The following NR3C2 variants were observed in gnomAD, a reference collection of about 807,000 sequenced individuals.
NR3C2 encodes mineralocorticoid receptor.
In NR3C2, 15 loss-of-function variants were observed where a neutral mutation model predicts 86.4. That is an observed-to-expected ratio of 0.17 (90% CI 0.12 to 0.27). The LOEUF (loss-of-function observed/expected upper bound fraction) is 0.27, where lower values mean the gene tolerates loss of function less well. NR3C2 is among the 10% of genes least tolerant of loss of function. The pLI is 1.00. For missense variants in NR3C2, 960 were observed against 1,195.6 expected, an observed-to-expected ratio of 0.80 and a Z score of 2.91; for synonymous variants, 458 against 450.5, an observed-to-expected ratio of 1.02 and a Z score of -0.21.
intron 3 of NR3C2, among the ~76,000 whole-genome samples, chr4:148,246,211 G>A (rs752097369): frequency 2.0e-5 from 3 of 152,146 alleles, no homozygotes; most frequent in Non-Finnish European, 2.9e-5. Context: ...TGCATTTCAG[G>A]TACACACCTT....
At chr4:148,098,524 G>A (rs1039898038) in intron 8 of NR3C2, among the ~76,000 whole-genome samples, 1 of 152,154 alleles carries the variant, frequency 6.6e-6, no homozygotes, top group Admixed American at 6.5e-5. Context: ...AGTATTTACG[G>A]CATTAGAGCT....
chr4:148,171,259 C>T (rs1735110710), intron 4 of NR3C2, among the ~76,000 whole-genome samples: 1 of 152,198 alleles, frequency 6.6e-6, no homozygotes, highest in African/African-American at 2.4e-5. Flanking sequence ...CACCTCTTTC[C>T]CTATTCCATG....
intron 2 of NR3C2, among the ~76,000 whole-genome samples, chr4:148,267,595 C>T (rs1740462916): frequency 1.3e-5 from 2 of 152,020 alleles, no homozygotes; most frequent in African/African-American, 2.4e-5. Context: ...TTACTGTATA[C>T]AGTAAACAGA....
At chr4:148,104,170 CT>C (rs373515975) in intron 8 of NR3C2, among the ~76,000 whole-genome samples, 1 of 152,098 alleles carries the variant, frequency 6.6e-6, no homozygotes, top group Non-Finnish European at 1.5e-5. Flanking sequence ...ACTGTAAGCC[CT>C]TAGTAATCAT....
At chr4:148,141,125 C>G (rs998190548) in intron 6 of NR3C2, among the ~76,000 whole-genome samples, 4 of 152,074 alleles carry the variant, frequency 2.6e-5, no homozygotes, top group African/African-American at 9.7e-5. Context: ...AAACAGTTAC[C>G]GAGCGCCAGT....
At position 148,154,609 on chromosome 4, in the gene NR3C2, G is replaced by T. The variant is rs770153717; in HGVS notation, c.2307C>A (p.Leu769=). 19 of 1,614,090 alleles carry T rather than the reference G, an allele frequency of 1.2e-5. No homozygotes were observed. The South Asian group carries it at 2.1e-4, about 18-fold the overall frequency. The change falls in exon 5 of 9, where the codon CTC becomes CTA. Residue 769 remains leucine (L), a synonymous_variant. Transcript: ENST00000358102. The part of the protein sequence containing the change: ...PDTAENLLST[L]NRLAGKQMIQ... ...TCATCTGTTTGCCTGCTAAGCGGTT[G>T]AGCGTGGAGAGCAGATTTTCGGCTG...
chr4:148,439,007 G>T (rs1296966586), intron 1 of NR3C2, among the ~76,000 whole-genome samples: 1 of 152,026 alleles, frequency 6.6e-6, no homozygotes, highest in South Asian at 2.1e-4. Flanking sequence ...CAAAACAGTA[G>T]AAAATAAATA....
intron 2 of NR3C2, among the ~76,000 whole-genome samples, chr4:148,278,996 T>G (rs1741102547): frequency 6.6e-6 from 1 of 151,938 alleles, no homozygotes; most frequent in South Asian, 2.1e-4. Context: ...ACCCCGTCCC[T>G]ACTAAAAATG....
intron 4 of NR3C2, among the ~76,000 whole-genome samples, chr4:148,164,791 G>A (rs943093520): frequency 6.6e-6 from 1 of 152,182 alleles, no homozygotes; most frequent in African/African-American, 2.4e-5. Flanking sequence ...AGGTCACAGG[G>A]GTGAATAAGT....
At chr4:148,285,422 C>T (rs1741468380) in intron 2 of NR3C2, among the ~76,000 whole-genome samples, 1 of 152,096 alleles carries the variant, frequency 6.6e-6, no homozygotes. Context: ...TAAAAACTTC[C>T]TCCAGGCCGG....
At chr4:148,366,481 C>CTTAAAAAAGAATACTTTTTAAAA (rs1561066895) in intron 2 of NR3C2, among the ~76,000 whole-genome samples, 2 of 14,878 alleles carry the variant, frequency 1.3e-4, no homozygotes, top group African/African-American at 5.2e-4. Context: ...AAAAAGTACT[C>CTTAAAAAAGAATACTTTTTAAAA]AGCACTTTTA....
At chr4:148,131,515 T>C (rs1317586014) in intron 6 of NR3C2, among the ~76,000 whole-genome samples, 1 of 152,222 alleles carries the variant, frequency 6.6e-6, no homozygotes, top group Non-Finnish European at 1.5e-5. Context: ...ATTTTTTTCA[T>C]AGTCTTATTA....
intron 2 of NR3C2, among the ~76,000 whole-genome samples, chr4:148,290,161 T>C (rs1314050536): frequency 1.3e-5 from 2 of 152,180 alleles, no homozygotes; most frequent in African/African-American, 4.8e-5. Context: ...GCTTTCTTTC[T>C]GTGCCCCCAC....
intron 2 of NR3C2, among the ~76,000 whole-genome samples, chr4:148,312,892 T>A (rs1742973008): frequency 6.6e-6 from 1 of 152,192 alleles, no homozygotes; most frequent in African/African-American, 2.4e-5. Context: ...GTAGCCCAAT[T>A]AAATATTACC....
At chr4:148,397,971 G>T (rs866745139) in intron 2 of NR3C2, among the ~76,000 whole-genome samples, 1 of 152,298 alleles carries the variant, frequency 6.6e-6, no homozygotes, top group South Asian at 2.1e-4. Context: ...GGCTCTGGGG[G>T]AGACCTTCCT....
chr4:148,205,877 A>G (rs1736978290), intron 3 of NR3C2, among the ~76,000 whole-genome samples: 1 of 149,354 alleles, frequency 6.7e-6, no homozygotes, highest in South Asian at 2.1e-4. Context: ...GAAACACACT[A>G]AAAAAAAAAT....
chr4:148,303,727 C>T (rs114626097), intron 2 of NR3C2, among the ~76,000 whole-genome samples: 12 of 152,278 alleles, frequency 7.9e-5, no homozygotes, highest in South Asian at 2.1e-4. Flanking sequence ...AAAGGCACAG[C>T]GCAAGTGATC....
chr4:148,285,672 C>A (rs891917019), intron 2 of NR3C2, among the ~76,000 whole-genome samples: 1 of 152,056 alleles, frequency 6.6e-6, no homozygotes, highest in African/African-American at 2.4e-5. Context: ...GTGCCACTGA[C>A]CTCCAGCCTG....
chr4:148,307,452 A>T (rs920125789), intron 2 of NR3C2, among the ~76,000 whole-genome samples: 3 of 152,238 alleles, frequency 2.0e-5, no homozygotes, highest in African/African-American at 7.2e-5. Context: ...CGAGATTTGT[A>T]GGCTCCATCT....
Sources: allele counts gnomAD v4.1 joint callset (sites outside exome capture counted in the v4.1 genomes callset), GRCh38; gene constraint gnomAD v4.1.1; transcripts MANE v1.5; gene names NCBI Gene and HGNC (gene_info 2026-07-23, HGNC 2026-07-21).